SH3GL3: variants seen among roughly 807,000 people sequenced by gnomAD.
SH3GL3 encodes the protein endophilin-A3.
A neutral mutation model predicts 47.7 loss-of-function variants in SH3GL3; 33 were observed. That is an observed-to-expected ratio of 0.69 (90% confidence interval 0.52 to 0.92). The LOEUF (loss-of-function observed/expected upper bound fraction) is 0.92. Among genes scored for constraint, SH3GL3 ranks in the 40% least tolerant of loss-of-function variants. SH3GL3 has a pLI of 0.00. For synonymous variants in SH3GL3, 155 were observed against 148.8 expected (o/e 1.04, Z -0.30); for missense variants, 363 against 417.8 (o/e 0.87, Z 1.14).
chr15:83,453,500 A>G (rs1042347741), intron 1 of SH3GL3, among the ~76,000 whole-genome samples: 7 of 146,748 alleles, frequency 4.8e-5, no homozygotes, highest in Non-Finnish European at 9.0e-5. Flanking sequence ...TTATTGGTCT[A>G]TTCAGAGATT....
chr15:83,516,866 G>A (rs2042999252), intron 1 of SH3GL3, among the ~76,000 whole-genome samples: 1 of 151,906 alleles, frequency 6.6e-6, no homozygotes, highest in African/African-American at 2.4e-5. Context: ...TAAAATTAGG[G>A]CCATATCGTA....
At chr15:83,510,257 A>G (rs1319359393) in intron 1 of SH3GL3, among the ~76,000 whole-genome samples, 2 of 152,206 alleles carry the variant, frequency 1.3e-5, no homozygotes, top group Admixed American at 1.3e-4. Context: ...ATACAATAGA[A>G]AGAATCTTTG....
chr15:83,565,034 G>A (rs746126766), intron 2 of SH3GL3, 100 bp from the exon 3 acceptor site: 37 of 575,930 alleles, frequency 6.4e-5, no homozygotes, highest in Non-Finnish European at 9.7e-5. Context: ...TCATAATCGT[G>A]TTAGAAGAAT....
chr15:83,572,768 C>T (rs994336385), intron 5 of SH3GL3, 70 bp downstream of exon 5: 7 of 1,156,992 alleles, frequency 6.1e-6, no homozygotes, highest in South Asian at 2.9e-5. Context: ...ATCACTAGAA[C>T]GTTTCAGCAG....
chr15:83,490,265 G>A (rs2041819667), intron 1 of SH3GL3, among the ~76,000 whole-genome samples: 3 of 133,080 alleles, frequency 2.3e-5, no homozygotes, highest in Admixed American at 7.5e-5. Flanking sequence ...GTGATTTTGC[G>A]TTTTTTTTTT....
intron 3 of SH3GL3, among the ~76,000 whole-genome samples, chr15:83,568,270 C>T (rs2045650826): frequency 6.6e-6 from 1 of 152,156 alleles, no homozygotes; most frequent in Non-Finnish European, 1.5e-5. Context: ...AGGTGTGAGC[C>T]ACTGCGCCCA....
At chr15:83,498,779 C>A (rs1434704728) in intron 1 of SH3GL3, among the ~76,000 whole-genome samples, 1 of 152,190 alleles carries the variant, frequency 6.6e-6, no homozygotes, top group African/African-American at 2.4e-5. Flanking sequence ...GGAATGGTCA[C>A]CCCCTACTGA....
intron 5 of SH3GL3, among the ~76,000 whole-genome samples, chr15:83,574,553 C>G (rs2151775690): frequency 6.6e-6 from 1 of 152,276 alleles, no homozygotes; most frequent in Middle Eastern, 3.4e-3. Context: ...CCCTTGACCC[C>G]TGGTGTCACA....
At position 83,508,373 on chromosome 15, in the gene SH3GL3, G is replaced by C. The variant is rs557764404; in HGVS notation, c.46-50880G>C. Among the ~76,000 whole-genome samples, 7 of 152,140 alleles carry C rather than the reference G, an allele frequency of 4.6e-5. No individual in the cohort carries two copies. In the East Asian group the frequency reaches 1.2e-3, roughly 25 times the overall value. ...GCATGCTTGGCAGAGGGGAAAGCCT[G>C]TGCAAAGGCCTTAGAAACACGCTGG... On this transcript the variant is annotated intron_variant, in intron 1 of 8. Coordinates refer to ENST00000427482, the MANE Select transcript of SH3GL3 (RefSeq NM_003027.5).
At chr15:83,502,149 T>G (rs2042323314) in intron 1 of SH3GL3, among the ~76,000 whole-genome samples, 1 of 152,246 alleles carries the variant, frequency 6.6e-6, no homozygotes, top group Non-Finnish European at 1.5e-5. Context: ...GTGTCTAAAT[T>G]ATAGCCTTTA....
chr15:83,453,647 G>A (rs2151491985), intron 1 of SH3GL3, among the ~76,000 whole-genome samples: 1 of 144,598 alleles, frequency 6.9e-6, no homozygotes, highest in African/African-American at 2.6e-5. Context: ...TGGGATCGGT[G>A]GTGATATCCC....
intron 1 of SH3GL3, among the ~76,000 whole-genome samples, chr15:83,508,320 G>A (rs958728146): frequency 8.5e-5 from 13 of 152,078 alleles, no homozygotes; most frequent in African/African-American, 2.9e-4. Flanking sequence ...AGGTAAGGAC[G>A]CCGGCTATGT....
chr15:83,554,546 C>T (rs1216766704), intron 1 of SH3GL3, among the ~76,000 whole-genome samples: 1 of 152,112 alleles, frequency 6.6e-6, no homozygotes, highest in Non-Finnish European at 1.5e-5. Context: ...CGCCACCACA[C>T]CCGGCTAATT....
At chr15:83,552,974 G>A (rs1021703398) in intron 1 of SH3GL3, among the ~76,000 whole-genome samples, 1 of 152,032 alleles carries the variant, frequency 6.6e-6, no homozygotes, top group Admixed American at 6.6e-5. Flanking sequence ...GCCTTAGGAA[G>A]GTATTTCTTA....
intron 1 of SH3GL3, among the ~76,000 whole-genome samples, chr15:83,526,129 A>G (rs1283976295): frequency 6.6e-6 from 1 of 152,184 alleles, no homozygotes; most frequent in African/African-American, 2.4e-5. Flanking sequence ...TCATTTTAAC[A>G]GTACTAATTC....
At chr15:83,558,115 T>G (rs542385378) in intron 1 of SH3GL3, among the ~76,000 whole-genome samples, 2 of 152,240 alleles carry the variant, frequency 1.3e-5, no homozygotes, top group East Asian at 3.8e-4. Context: ...ATATTCATAT[T>G]ACTATTTTAA....
intron 8 of SH3GL3, among the ~76,000 whole-genome samples, chr15:83,604,601 A>C (rs1041253331): frequency 6.6e-6 from 1 of 152,222 alleles, no homozygotes; most frequent in Non-Finnish European, 1.5e-5. Flanking sequence ...CAAGGAAGTG[A>C]TAATAAAAAA....
intron 8 of SH3GL3, among the ~76,000 whole-genome samples, chr15:83,615,744 A>G (rs2060795486): frequency 6.6e-6 from 1 of 152,254 alleles, no homozygotes; most frequent in Non-Finnish European, 1.5e-5. Flanking sequence ...TGATAAAGAT[A>G]AAGGCAATAC....
chr15:83,594,637 T>C (rs536870647), intron 8 of SH3GL3, among the ~76,000 whole-genome samples: 3 of 152,214 alleles, frequency 2.0e-5, no homozygotes, highest in African/African-American at 7.2e-5. Context: ...TCTAAGACTT[T>C]CTTTGTTTTT....
Sources: allele counts gnomAD v4.1 joint callset (sites outside exome capture counted in the v4.1 genomes callset), GRCh38; gene constraint gnomAD v4.1.1; transcripts MANE v1.5; gene names NCBI Gene and HGNC (gene_info 2026-07-23, HGNC 2026-07-21).